KIAA1958: variants seen among roughly 807,000 people sequenced by gnomAD.
KIAA1958 encodes the protein uncharacterized protein KIAA1958.
A neutral mutation model predicts 47.2 loss-of-function variants in KIAA1958; 14 were observed. That is an observed-to-expected ratio of 0.30 (90% confidence interval 0.20 to 0.46). The LOEUF is 0.46. Ranked by LOEUF, KIAA1958 falls within the 20% of genes least tolerant of loss-of-function variation. KIAA1958 has a pLI of 1.00. For missense variants in KIAA1958, 803 were observed against 909.2 expected (o/e 0.88, Z 1.50); for synonymous variants, 354 against 353.3 (o/e 1.00, Z -0.02).
At chr9:112,543,664 C>A (rs1834982115) in intron 1 of KIAA1958, among the ~76,000 whole-genome samples, 1 of 150,362 alleles carries the variant, frequency 6.7e-6, no homozygotes, top group Admixed American at 6.6e-5. Flanking sequence ...CCTCCACCTC[C>A]CAGGTTCAAG....
At chr9:112,559,854 A>G (rs1050753535) in intron 1 of KIAA1958, among the ~76,000 whole-genome samples, 1 of 152,226 alleles carries the variant, frequency 6.6e-6, no homozygotes, top group African/African-American at 2.4e-5. Context: ...CATTGATGAG[A>G]AAACCACTTT....
rs1476333198 is a variant in KIAA1958, at chr9:112,668,132, C to T, written c.*8063C>T. On this transcript the variant is annotated 3_prime_UTR_variant, in exon 4 of 4. Coordinates refer to ENST00000337530, the MANE Select transcript of KIAA1958 (RefSeq NM_133465.4). ...AAACACTCTATCCTGAAAGAGTCCACTGCTTCCAAGTGAGAAAAGCCAAGG... is the reference window on the plus strand; with the variant it reads ...AAACACTCTATCCTGAAAGAGTCCATTGCTTCCAAGTGAGAAAAGCCAAGG... 1 of 79,240 alleles carries T rather than the reference C, an allele frequency of 1.3e-5. No homozygotes were observed. Among genetic ancestry groups the T allele is most frequent in the South Asian group, 3.7e-4 (1 of 2,684 alleles). 4.9% of individuals were successfully genotyped at this position (79,240 alleles called of 1,614,324 possible).
chr9:112,596,357 G>A (rs573741678), intron 2 of KIAA1958, among the ~76,000 whole-genome samples: 1 of 151,992 alleles, frequency 6.6e-6, no homozygotes, highest in African/African-American at 2.4e-5. Context: ...TTAGTCTCTA[G>A]GATATATTAT....
At position 112,592,256 on chromosome 9, in the gene KIAA1958, T is replaced by A. The variant is rs376427616; in HGVS notation, c.1171+17005T>A. ...GACATATTAATTCTTTGAAAAGAAA[T>A]TTAGAACTCATATCTAACAGGGAGA... On this transcript the variant is annotated intron_variant, in intron 2 of 3. Coordinates refer to ENST00000337530, the MANE Select transcript of KIAA1958 (RefSeq NM_133465.4). Among the ~76,000 whole-genome samples the A allele has an allele frequency of 7.2e-5, 11 of 152,104 alleles. 1 individual carries two copies. The East Asian group carries it at 7.7e-4, about 11-fold the overall frequency.
intron 1 of KIAA1958, among the ~76,000 whole-genome samples, chr9:112,538,757 A>G (rs1238316100): frequency 6.6e-6 from 1 of 152,226 alleles, no homozygotes; most frequent in African/African-American, 2.4e-5. Flanking sequence ...GGAACTGAAT[A>G]ATCAGTAATG....
intron 1 of KIAA1958, among the ~76,000 whole-genome samples, chr9:112,534,824 G>A (rs1308171114): frequency 2.0e-5 from 3 of 152,138 alleles, no homozygotes; most frequent in Admixed American, 6.6e-5. Flanking sequence ...GATTACAGGC[G>A]TGAGCCACTG....
At chr9:112,508,246 A>T (rs577478250) in intron 1 of KIAA1958, among the ~76,000 whole-genome samples, 6 of 152,226 alleles carry the variant, frequency 3.9e-5, no homozygotes, top group Non-Finnish European at 7.3e-5. Flanking sequence ...TTTTTCCATC[A>T]GAAATCCATT....
intron 2 of KIAA1958, among the ~76,000 whole-genome samples, chr9:112,588,949 A>G (rs1229128158): frequency 3.5e-5 from 5 of 141,726 alleles, no homozygotes; most frequent in African/African-American, 7.9e-5. Context: ...TAATATGACT[A>G]AAAAAAAAAA....
intron 1 of KIAA1958, among the ~76,000 whole-genome samples, chr9:112,517,775 A>G (rs1340258273): frequency 9.9e-5 from 15 of 152,240 alleles, no homozygotes; most frequent in Non-Finnish European, 2.2e-4. Context: ...AAGATGGGCA[A>G]AAGATTTGAA....
Position 112,618,540 on chromosome 9 carries a change from C to A in KIAA1958, c.1172-27110C>A, listed in dbSNP as rs565942160. 3 of 1,550,696 alleles carry A rather than the reference C, an allele frequency of 1.9e-6. No homozygotes were observed. The South Asian group carries it at 3.6e-5, about 18-fold the overall frequency. On this transcript the variant is annotated intron_variant, in intron 2 of 3. Coordinates refer to ENST00000337530, the MANE Select transcript of KIAA1958 (RefSeq NM_133465.4). The surrounding 1 kb of genome is among the most constrained non-coding windows in gnomAD (Gnocchi z 7.1). Reference sequence around the variant, plus strand: ...TATGCCACCCAGCACGCCCCACAGACCTGCCCTGTCCAGGACTATAAGGAG... The same window carrying A: ...TATGCCACCCAGCACGCCCCACAGAACTGCCCTGTCCAGGACTATAAGGAG...
chr9:112,589,831 C>G (rs1049420351), intron 2 of KIAA1958, among the ~76,000 whole-genome samples: 61 of 152,296 alleles, frequency 4.0e-4, no homozygotes, highest in African/African-American at 1.5e-3. Context: ...TGATAGGTAC[C>G]ATTTCCTTAG....
rs1162606206 is a variant in KIAA1958 at position 112,574,709 on chromosome 9, AT to A, written c.631del (p.Tyr211IlefsTer9). ...AAAATCAAACAAGAAATCCCCGAAG[AT>A]TATTACATTGTGGCAAATGCAGAAC... is the stretch of plus-strand genomic sequence containing the variant. ...IKKIKQEIPE[D>X]YYIVANAELT... On this transcript the variant is annotated frameshift_variant, in exon 2 of 4. Coordinates refer to ENST00000337530, the MANE Select transcript of KIAA1958 (RefSeq NM_133465.4). LOFTEE classifies it high-confidence loss of function. 6.2e-7 allele frequency: 1 copy of A among 1,614,186 alleles called. No individual in the cohort carries two copies. The highest frequency in any genetic ancestry group is 8.5e-7 in the Non-Finnish European group (1 of 1,180,026).
chr9:112,551,970 G>A (rs1467579142), intron 1 of KIAA1958, among the ~76,000 whole-genome samples: 2 of 152,144 alleles, frequency 1.3e-5, no homozygotes, highest in African/African-American at 2.4e-5. Context: ...CATCCTACTT[G>A]TATAGTCTCA....
rs187749390 is a variant in KIAA1958, at chr9:112,663,403, T to C, written c.*3334T>C. ...CAATAAATGTTAGCCAGCTTAGTTA[T>C]AACTTTTGGTAATAATTAATATTAT... On this transcript the variant is annotated 3_prime_UTR_variant, in exon 4 of 4. Transcript: ENST00000337530. The C allele has an allele frequency of 6.6e-6, 1 of 152,364 alleles. No homozygotes were observed. The highest frequency in any genetic ancestry group is 1.9e-4 in the East Asian group (1 of 5,196). 9.4% of individuals were successfully genotyped at this position (152,364 alleles called of 1,614,324 possible). A position where few individuals can be genotyped will look rare whatever the true frequency, so the allele number is the denominator to read the frequency against.
At chr9:112,534,434 T>G (rs951347383) in intron 1 of KIAA1958, among the ~76,000 whole-genome samples, 3 of 152,198 alleles carry the variant, frequency 2.0e-5, no homozygotes, top group Non-Finnish European at 4.4e-5. Context: ...ATTAGTAAGA[T>G]TGTGTATTTT....
At chr9:112,539,588 A>G (rs1834906846) in intron 1 of KIAA1958, among the ~76,000 whole-genome samples, 1 of 151,916 alleles carries the variant, frequency 6.6e-6, no homozygotes, top group Non-Finnish European at 1.5e-5. Flanking sequence ...GGTCATGAAG[A>G]TGTTCTAAAA....
At chr9:112,489,539 T>A (rs1227127274) in intron 1 of KIAA1958, among the ~76,000 whole-genome samples, 2 of 151,942 alleles carry the variant, frequency 1.3e-5, no homozygotes, top group Non-Finnish European at 2.9e-5. Flanking sequence ...AGCAATAATA[T>A]TTTAGTGTGA....
chr9:112,498,708 G>A (rs1353245424), intron 1 of KIAA1958, among the ~76,000 whole-genome samples: 2 of 152,128 alleles, frequency 1.3e-5, no homozygotes, highest in African/African-American at 4.8e-5. Context: ...AACGTATAAT[G>A]ATCAAATCAG....
intron 2 of KIAA1958, among the ~76,000 whole-genome samples, chr9:112,583,842 T>C (rs1028564054): frequency 6.6e-6 from 1 of 152,156 alleles, no homozygotes; most frequent in African/African-American, 2.4e-5. Flanking sequence ...GAGGGGGTAA[T>C]GGAAACAGGT....
Sources: gnomAD v4.1 joint callset for allele counts (sites outside exome capture counted in the v4.1 genomes callset) on GRCh38, gnomAD v4.1.1 for gene constraint, Gnocchi (gnomAD v3.1) non-coding constraint, MANE v1.5 for transcripts, NCBI Gene and HGNC (gene_info 2026-07-23, HGNC 2026-07-21) for gene names.